The following WNT9B variants were observed in gnomAD, a reference collection of about 807,000 sequenced individuals.
WNT9B encodes the protein Wnt family member 9B.
A neutral mutation model predicts 30.2 loss-of-function variants in WNT9B; 12 were observed. The observed-to-expected ratio is 0.40, with a 90% CI of 0.26 to 0.64. The LOEUF is 0.64. Among genes scored for constraint, WNT9B ranks in the 30% least tolerant of loss-of-function variants. The probability of loss-of-function intolerance (pLI) is 0.42; values close to 1 mark genes in which losing one functional copy is unlikely to be tolerated. For missense variants in WNT9B, 442 were observed against 485.2 expected (o/e 0.91, Z 0.84); for synonymous variants, 218 against 216.9 (o/e 1.01, Z -0.05).
intron 1 of WNT9B, among the ~76,000 whole-genome samples, chr17:46,844,305 C>CTTTTTTTTTTTT (rs34889221): frequency 7.8e-6 from 1 of 127,418 alleles, no homozygotes; most frequent in Non-Finnish European, 1.6e-5. Context: ...AGTTAGCCAC[C>CTTTTTTTTTTTT]TTTTTTTTTT....
rs984058179 is a variant in WNT9B, at chr17:46,880,116, G to A, written c.*3398G>A. Among the ~76,000 whole-genome samples, 3 of 152,242 alleles carry A rather than the reference G, an allele frequency of 2.0e-5. No individual in the cohort carries two copies. Among genetic ancestry groups the A allele is most frequent in the Non-Finnish European group, 4.4e-5 (3 of 68,050 alleles). The stretch of plus-strand genomic sequence containing the variant: ...GCATGTCCTCCTGCAGGCAGCTAGA[G>A]TGAGGGAGTCTAATGGACAGGATGC... On this transcript the variant is annotated 3_prime_UTR_variant, in exon 4 of 4. Transcript: ENST00000290015.
chr17:46,841,687 A>AG (rs1160354221), intron 1 of WNT9B, among the ~76,000 whole-genome samples: 2 of 152,016 alleles, frequency 1.3e-5, no homozygotes, highest in Non-Finnish European at 2.9e-5. Flanking sequence ...CAGGACCGGG[A>AG]GGAACTGGAC....
upstream of WNT9B, among the ~76,000 whole-genome samples, chr17:46,851,372 C>T (rs1486206570): frequency 6.6e-6 from 1 of 151,236 alleles, no homozygotes; most frequent in African/African-American, 2.4e-5. The surrounding 1 kb of genome is among the most constrained non-coding windows in gnomAD (Gnocchi z 4.3). Context: ...GGTGAGCGCT[C>T]ACCTGGGGCC....
intron 2 of WNT9B, among the ~76,000 whole-genome samples, chr17:46,874,103 G>A (rs1047359840): frequency 2.0e-5 from 3 of 152,000 alleles, no homozygotes; most frequent in Non-Finnish European, 4.4e-5. Flanking sequence ...TGTCTCTCTC[G>A]GGACATCACC....
At chr17:46,836,554 T>C (rs2084635145) in intron 1 of WNT9B, among the ~76,000 whole-genome samples, 2 of 152,228 alleles carry the variant, frequency 1.3e-5, no homozygotes, top group South Asian at 4.1e-4. Flanking sequence ...AAGGTGATCA[T>C]TGTAATGTCA....
chr17:46,886,382 G>C (rs2085488994), exon 5 of WNT9B: 1 of 152,178 alleles, frequency 6.6e-6, no homozygotes, highest in African/African-American at 2.4e-5. Flanking sequence ...AAATTTGTAG[G>C]AGGCCATTAG....
At chr17:46,840,277 G>A (rs554003531) in intron 1 of WNT9B, among the ~76,000 whole-genome samples, 11 of 152,024 alleles carry the variant, frequency 7.2e-5, no homozygotes, top group South Asian at 2.1e-4. Flanking sequence ...TAGTAGAGAC[G>A]GGGTTTCACC....
intron 1 of WNT9B, among the ~76,000 whole-genome samples, chr17:46,833,682 T>G (rs2084585358): frequency 6.6e-6 from 1 of 152,118 alleles, no homozygotes; most frequent in Admixed American, 6.5e-5. Context: ...CCAAGAAAGC[T>G]TTGACTCAGT....
intron 1 of WNT9B, among the ~76,000 whole-genome samples, chr17:46,844,826 C>T (rs1280929594): frequency 6.6e-6 from 1 of 151,766 alleles, no homozygotes; most frequent in Non-Finnish European, 1.5e-5. Flanking sequence ...TTCCTTCCTT[C>T]CTTCCTCTTT....
At chr17:46,875,457 A>C (rs1381459815) in intron 3 of WNT9B, 91 bp downstream of exon 3, 5 of 1,437,096 alleles carry the variant, frequency 3.5e-6, no homozygotes, top group African/African-American at 1.4e-5. Flanking sequence ...CCCACTCCCC[A>C]AAATACATGA....
rs555335596 is a variant in WNT9B, at chr17:46,842,631, C to A, written c.95+9191C>A. Among the ~76,000 whole-genome samples the A allele has an allele frequency of 2.4e-4, 36 of 152,298 alleles. No individual in the cohort carries two copies. The South Asian group carries it at 7.2e-3, about 31-fold the overall frequency. On this transcript the variant is annotated intron_variant, in intron 1 of 2. Coordinates refer to the WNT9B transcript ENST00000575372. Reference sequence around the variant, plus strand: ...CAAGTGATCCTCCCATCTCAGTCTCCCAAAGTGCTGGGATTACAGGCATGA... The same window carrying A: ...CAAGTGATCCTCCCATCTCAGTCTCACAAAGTGCTGGGATTACAGGCATGA...
chr17:46,862,570 G>GT (rs1032415861), intron 1 of WNT9B, among the ~76,000 whole-genome samples: 2 of 151,968 alleles, frequency 1.3e-5, no homozygotes, highest in Non-Finnish European at 2.9e-5. Context: ...TGCAAGCTGA[G>GT]TTTTTTTTGT....
rs2085360633 is a variant in WNT9B at position 46,877,262 on chromosome 17, C to A, written c.*544C>A. Among the ~76,000 whole-genome samples, 1 of 152,178 alleles carries A rather than the reference C, an allele frequency of 6.6e-6. No homozygotes were observed. The highest frequency in any genetic ancestry group is 1.5e-5 in the Non-Finnish European group (1 of 68,024). ...CCACCACTCCCCTGGTTTTGCTGTG[C>A]CAGAGATGGGGAGAAAGCACAGGTG... On this transcript the variant is annotated 3_prime_UTR_variant, in exon 4 of 4. Coordinates refer to ENST00000290015, the MANE Select transcript of WNT9B (RefSeq NM_003396.3).
At chr17:46,846,938 C>T (rs1046333258), upstream of WNT9B, among the ~76,000 whole-genome samples, 1 of 152,216 alleles carries the variant, frequency 6.6e-6, no homozygotes, top group African/African-American at 2.4e-5. Flanking sequence ...CAGAGGACTC[C>T]AGTCCAGAAA....
chr17:46,849,124 C>A (rs1016998072), upstream of WNT9B, among the ~76,000 whole-genome samples: 7 of 152,214 alleles, frequency 4.6e-5, no homozygotes, highest in Admixed American at 4.6e-4. Context: ...GTTCTAACAT[C>A]AGGAGGAGGG....
At chr17:46,863,255 G>A (rs2085073711) in intron 1 of WNT9B, among the ~76,000 whole-genome samples, 1 of 152,246 alleles carries the variant, frequency 6.6e-6, no homozygotes, top group African/African-American at 2.4e-5. Flanking sequence ...CCAGCAGGGT[G>A]GGACTGCAGG....
At position 46,875,182 on chromosome 17, in the gene WNT9B, G is replaced by A. The variant is rs774054853; in HGVS notation, c.416G>A (p.Arg139His). The A allele has an allele frequency of 3.3e-5, 54 of 1,613,938 alleles. No homozygotes were observed. The highest frequency in any genetic ancestry group is 5.5e-5 in the South Asian group (5 of 91,070). ...CTGGCCCGGGCCTGCAGCGCTGGGC[G>A]CATGGAGCGCTGCACCTGTGATGAC... ...HTLARACSAG[R>H]MERCTCDDSP... is the part of the protein sequence containing the mutation. The change falls in exon 3 of 4, where the codon CGC (arginine) becomes CAC (histidine). Residue 139 changes from arginine (R) to histidine (H), a missense_variant. Coordinates refer to ENST00000290015, the MANE Select transcript of WNT9B (RefSeq NM_003396.3).
chr17:46,836,676 A>C (rs2084636265), intron 1 of WNT9B, among the ~76,000 whole-genome samples: 2 of 152,308 alleles, frequency 1.3e-5, no homozygotes, highest in South Asian at 4.1e-4. Context: ...AATGAAACCC[A>C]CTGTGGAGAA....
At chr17:46,884,996 CTTT>C, downstream of WNT9B, 1 of 373,180 alleles carries the variant, frequency 2.7e-6, no homozygotes, top group South Asian at 2.1e-5. Context: ...ATTTCCTTAG[CTTT>C]TTTTTTTAGA....
Sources: allele counts gnomAD v4.1 joint callset (sites outside exome capture counted in the v4.1 genomes callset), GRCh38; gene constraint gnomAD v4.1.1; non-coding constraint Gnocchi (gnomAD v3.1); transcripts MANE v1.5; gene names NCBI Gene and HGNC (gene_info 2026-07-23, HGNC 2026-07-21).